TERT: variants seen among roughly 807,000 people sequenced by gnomAD.
TERT encodes telomerase reverse transcriptase, also known as telomerase catalytic subunit.
Under a neutral mutation model 104.0 loss-of-function variants are expected in TERT, and 42 were observed. That is an observed-to-expected ratio of 0.40 (90% CI 0.32 to 0.52). The LOEUF is 0.52. Ranked by LOEUF, TERT falls within the 20% of genes least tolerant of loss-of-function variation. The pLI is 0.43. For missense variants in TERT, 1,101 were observed against 1,610.3 expected, an observed-to-expected ratio of 0.68 and a Z score of 5.41; for synonymous variants, 781 against 725.6, an observed-to-expected ratio of 1.08 and a Z score of -1.23.
At chr5:1,264,055 C>T (rs1297631154) in intron 11 of TERT, among the ~76,000 whole-genome samples, 1 of 151,838 alleles carries the variant, frequency 6.6e-6, no homozygotes, top group African/African-American at 2.4e-5. Flanking sequence ...TCATGCCCAG[C>T]AGGGCCCCTG....
rs755155708 is a variant in TERT, at chr5:1,294,403, C to T, written c.483G>A (p.Leu161=). 3 of 1,586,984 alleles carry T rather than the reference C, an allele frequency of 1.9e-6. No homozygotes were observed. The African/African-American group carries it at 4.0e-5, about 21-fold the overall frequency. The change falls in exon 2 of 16, where the codon CTG becomes CTA. Residue 161 remains leucine, a synonymous_variant. Coordinates refer to ENST00000310581, the MANE Select transcript of TERT (RefSeq NM_198253.3). ...HLLARCALFV[L]VAPSCAYQVC... is the part of the protein sequence containing the mutation. ...CCTGGTAGGCGCAGCTGGGAGCCAC[C>T]AGCACAAAGAGCGCGCAGCGTGCCA...
chr5:1,281,925 T>A (rs1338062426), intron 3 of TERT, among the ~76,000 whole-genome samples: 1 of 152,052 alleles, frequency 6.6e-6, no homozygotes, highest in Non-Finnish European at 1.5e-5. Flanking sequence ...CCGTCTCTCC[T>A]AAAAGTACAA....
chr5:1,282,696 C>T lies in TERT; in HGVS notation c.1574-72G>A, dbSNP rs571868592. On this transcript the variant is annotated intron_variant, in intron 2 of 15. Transcript: ENST00000310581. The stretch of plus-strand genomic sequence containing the variant: ...GACCTCACCCCGGACCTGCACCATC[C>T]GGACACCGCACATCCAGCTCACCAA... 366 of 1,496,504 alleles carry T rather than the reference C, an allele frequency of 2.4e-4. 1 individual carries two copies. The highest frequency in any genetic ancestry group is 1.7e-3 in the Admixed American group (94 of 56,510). The allele number at this position is 1,496,504 out of a possible 1,614,324, so 92.7% of individuals were successfully genotyped here.
Position 1,274,205 on chromosome 5 carries a change from C to T in TERT, c.2287-1925G>A, listed in dbSNP as rs538302174. 6.6e-5 allele frequency among the ~76,000 whole-genome samples: 10 copies of T among 152,326 alleles called. No homozygotes were observed. The South Asian group carries it at 1.2e-3, about 19-fold the overall frequency. ...GCAGGGCCGTGGGCTAAAACCACATCGAGTACGATTCAACCCTGAGAACCA... is the reference window on the plus strand; with the variant it reads ...GCAGGGCCGTGGGCTAAAACCACATTGAGTACGATTCAACCCTGAGAACCA... On this transcript the variant is annotated intron_variant, in intron 6 of 15. Transcript: ENST00000310581. The surrounding 1 kb of genome is among the most constrained non-coding windows in gnomAD (Gnocchi z 5.3).
At position 1,258,687 on chromosome 5, in the gene TERT, C is replaced by A. The variant is rs373707255; in HGVS notation, c.2971-28G>T. The stretch of plus-strand genomic sequence containing the variant: ...AGAGTCGCCAAGAAAGAGTGAGAAA[C>A]GGTAGAAACCTCTCTGGGATTTTAA... On this transcript the variant is annotated intron_variant, in intron 12 of 15. Transcript: ENST00000310581. The A allele has an allele frequency of 8.4e-6, 13 of 1,543,418 alleles. No individual in the cohort carries two copies. In the African/African-American group the frequency reaches 1.6e-4, roughly 19 times the overall value.
chr5:1,280,486 C>T, intron 3 of TERT, 148 bp from the exon 4 acceptor site: 1 of 874,478 alleles, frequency 1.1e-6, no homozygotes, highest in Non-Finnish European at 1.8e-6. Flanking sequence ...GGGCCACGTC[C>T]ACCCATGCCA....
chr5:1,275,272 G>A (rs1749473818), intron 6 of TERT, among the ~76,000 whole-genome samples: 1 of 151,852 alleles, frequency 6.6e-6, no homozygotes, highest in African/African-American at 2.4e-5. Flanking sequence ...TACTTGGGAG[G>A]CTGAGGCAAG....
intron 2 of TERT, among the ~76,000 whole-genome samples, chr5:1,290,720 AC>A (rs1750857862): frequency 2.6e-5 from 1 of 38,636 alleles, no homozygotes; most frequent in Non-Finnish European, 4.6e-5. Flanking sequence ...ACACCCGGGG[AC>A]CGCGCCTCAC....
At position 1,286,503 on chromosome 5, in the gene TERT, C is replaced by A. The variant is rs1018663334; in HGVS notation, c.1574-3879G>T. On this transcript the variant is annotated intron_variant, in intron 2 of 15. Transcript: ENST00000310581. This position sits in a 1 kb window ranked among gnomAD's most constrained non-coding sequence, Gnocchi z 5.3. The stretch of plus-strand genomic sequence containing the variant: ...GTCAGCAGGGAAAACAGCACACAGG[C>A]TGGGGGGTGGCCAGAGCTAAAATAC... Among the ~76,000 whole-genome samples the A allele has an allele frequency of 2.0e-5, 3 of 152,118 alleles. No homozygotes were observed. The highest frequency in any genetic ancestry group is 7.2e-5 in the African/African-American group (3 of 41,424).
At position 1,268,663 on chromosome 5, in the gene TERT, G is replaced by A. The variant is rs1280650022; in HGVS notation, c.2469-30C>T. On this transcript the variant is annotated intron_variant, in intron 8 of 15. Transcript: ENST00000310581. The surrounding 1 kb of genome is among the most constrained non-coding windows in gnomAD (Gnocchi z 5.5). ...GGCGGGAAGACACAGGTGAGAGACG[G>A]GCAGGGCATGTGCTGGACATGCGTA... 6.5e-7 allele frequency: 1 copy of A among 1,531,420 alleles called. No homozygotes were observed. Among genetic ancestry groups the A allele is most frequent in the Admixed American group, 1.7e-5 (1 of 59,746 alleles). The allele number at this position is 1,531,420 out of a possible 1,614,324, so 94.9% of individuals were successfully genotyped here. A position where few individuals can be genotyped will look rare whatever the true frequency, so the allele number is the denominator to read the frequency against.
rs1457673114 is a variant in TERT at position 1,255,439 on chromosome 5, G to A, written c.3033-28C>T. 5 of 1,613,760 alleles carry A rather than the reference G, an allele frequency of 3.1e-6. No homozygotes were observed. The highest frequency in any genetic ancestry group is 2.5e-6 in the Non-Finnish European group (3 of 1,179,962). On this transcript the variant is annotated intron_variant, in intron 13 of 15. Coordinates refer to ENST00000310581, the MANE Select transcript of TERT (RefSeq NM_198253.3). The surrounding 1 kb of genome is among the most constrained non-coding windows in gnomAD (Gnocchi z 6.9). ...GAGAGGATGGCGGACAGCGTCAGAG[G>A]AAAGGCCTCCTAATCAGACGGTGCT...
chr5:1,270,119 C>A lies in TERT; in HGVS notation c.2468+1000G>T, dbSNP rs954679596. On this transcript the variant is annotated intron_variant, in intron 8 of 15. Coordinates refer to ENST00000310581, the MANE Select transcript of TERT (RefSeq NM_198253.3). This position sits in a 1 kb window ranked among gnomAD's most constrained non-coding sequence, Gnocchi z 8.3. ...GCTTACACACATGTGCACACGTGTC[C>A]CTCGGCCAAAATTCACTCTGCTGCC... 3.9e-5 allele frequency among the ~76,000 whole-genome samples: 6 copies of A among 152,122 alleles called. No individual in the cohort carries two copies. Among genetic ancestry groups the A allele is most frequent in the African/African-American group, 1.4e-4 (6 of 41,406 alleles).
At chr5:1,273,235 A>G (rs1749245408) in intron 6 of TERT, among the ~76,000 whole-genome samples, 1 of 23,614 alleles carries the variant, frequency 4.2e-5, no homozygotes, top group Non-Finnish European at 7.4e-5. Context: ...CACACATCAG[A>G]CCCCACGACC....
In TERT at chr5:1,286,339, C is replaced by T. The variant is rs1009260826; in HGVS notation, c.1574-3715G>A. Among the ~76,000 whole-genome samples the T allele has an allele frequency of 1.8e-4, 27 of 152,254 alleles. No homozygotes were observed. Among genetic ancestry groups the T allele is most frequent in the Admixed American group, 8.5e-4 (13 of 15,292 alleles). ...GGACAAGGAAGGGGACCCCAGACGG[C>T]GGGCCTGAGACAGAAGACAGACGGG... On this transcript the variant is annotated intron_variant, in intron 2 of 15. Coordinates refer to ENST00000310581, the MANE Select transcript of TERT (RefSeq NM_198253.3). The surrounding 1 kb of genome is among the most constrained non-coding windows in gnomAD (Gnocchi z 5.3).
rs540821244 is a variant in TERT, at chr5:1,291,705, C to T, written c.1573+1608G>A. On this transcript the variant is annotated intron_variant, in intron 2 of 15. Coordinates refer to ENST00000310581, the MANE Select transcript of TERT (RefSeq NM_198253.3). ...CGGGGGCCGCGCCTCACTCACCCTA[C>T]ACGTGACAGGGACACCTGGGGGCAA... 6.6e-3 allele frequency among the ~76,000 whole-genome samples: 962 copies of T among 146,750 alleles called. 3 individuals carry two copies. The highest frequency in any genetic ancestry group is 0.015 in the African/African-American group (601 of 40,300).
chr5:1,264,173 T>C (rs1748427039), intron 11 of TERT: 1 of 582,448 alleles, frequency 1.7e-6, no homozygotes, highest in East Asian at 2.9e-5. Flanking sequence ...GGTGCACCAT[T>C]TCCTTTTACC....
chr5:1,265,506 C>T lies in TERT; in HGVS notation c.2655-914G>A, dbSNP rs1748527208. 6.6e-6 allele frequency among the ~76,000 whole-genome samples: 1 copy of T among 152,150 alleles called. No individual in the cohort carries two copies. Among genetic ancestry groups the T allele is most frequent in the Non-Finnish European group, 1.5e-5 (1 of 68,020 alleles). ...CCCGTCTGCTCTGTCCCCTCAGCAG[C>T]CTCAGGACTCCTGAGCCCTCAGTTG... On this transcript the variant is annotated intron_variant, in intron 10 of 15. Transcript: ENST00000310581. This position sits in a 1 kb window ranked among gnomAD's most constrained non-coding sequence, Gnocchi z 6.9.
chr5:1,264,614 A>G (rs1000542688), intron 10 of TERT, 22 bp from the exon 11 acceptor site: 2 of 1,613,222 alleles, frequency 1.2e-6, no homozygotes, highest in African/African-American at 1.3e-5. Context: ...GGGCAATGTC[A>G]GCCCCAGGAT....
At chr5:1,272,392 G>A in intron 6 of TERT, 112 bp from the exon 7 acceptor site, 2 of 1,001,716 alleles carry the variant, frequency 2.0e-6, no homozygotes, top group Non-Finnish European at 3.1e-6. Flanking sequence ...CCGATGGCGG[G>A]ATGAAGCCCA....
Sources: gnomAD v4.1 joint callset for allele counts (sites outside exome capture counted in the v4.1 genomes callset) on GRCh38, gnomAD v4.1.1 for gene constraint, Gnocchi (gnomAD v3.1) non-coding constraint, MANE v1.5 for transcripts, NCBI Gene and HGNC (gene_info 2026-07-23, HGNC 2026-07-21) for gene names.